The following OPCML variants were observed in gnomAD, a reference collection of about 807,000 sequenced individuals.
OPCML encodes opioid-binding protein/cell adhesion molecule.
Under a neutral mutation model 37.8 loss-of-function variants are expected in OPCML, and 13 were observed. That is an observed-to-expected ratio of 0.34 (90% CI 0.22 to 0.55). The LOEUF (loss-of-function observed/expected upper bound fraction) is 0.55, where lower values mean the gene tolerates loss of function less well. Among genes scored for constraint, OPCML ranks in the 20% least tolerant of loss-of-function variants. OPCML has a pLI of 0.91. For synonymous variants in OPCML, 176 were observed against 168.8 expected, an observed-to-expected ratio of 1.04 and a Z score of -0.33; for missense variants, 341 against 435.6, an observed-to-expected ratio of 0.78 and a Z score of 1.93.
intron 1 of OPCML, chr11:133,421,435 G>A: frequency 1.0e-6 from 1 of 985,402 alleles, no homozygotes; most frequent in Non-Finnish European, 1.2e-6. Context: ...CTCACTAGTT[G>A]CTCTTGTTAG....
intron 1 of OPCML, among the ~76,000 whole-genome samples, chr11:133,259,712 T>C (rs1291265184): frequency 6.6e-6 from 1 of 152,208 alleles, no homozygotes; most frequent in Non-Finnish European, 1.5e-5. Context: ...AAATAGAATG[T>C]TAATTATGAA....
At chr11:133,102,926 G>T (rs1949107396) in intron 1 of OPCML, among the ~76,000 whole-genome samples, 1 of 152,168 alleles carries the variant, frequency 6.6e-6, no homozygotes, top group Admixed American at 6.5e-5. Context: ...CCTAGGAACT[G>T]TATCAGGTTC....
chr11:133,025,325 T>A, intron 1 of OPCML: 25 of 985,368 alleles, frequency 2.5e-5, no homozygotes, highest in Non-Finnish European at 2.7e-5. Flanking sequence ...TTTCTGTGGA[T>A]GATTATGGCT....
intron 2 of OPCML, among the ~76,000 whole-genome samples, chr11:132,769,309 C>T (rs1946563181): frequency 1.3e-5 from 2 of 149,010 alleles, no homozygotes; most frequent in Admixed American, 6.8e-5. Flanking sequence ...GCGATCTTGG[C>T]TCACTCCAAG....
chr11:132,696,350 A>G (rs2135906737), intron 2 of OPCML, among the ~76,000 whole-genome samples: 1 of 152,316 alleles, frequency 6.6e-6, no homozygotes, highest in East Asian at 1.9e-4. Flanking sequence ...AGTGCCTCAC[A>G]AATATATATG....
chr11:133,024,462 C>T (rs1334206959), intron 1 of OPCML: 2 of 983,906 alleles, frequency 2.0e-6, no homozygotes, highest in Non-Finnish European at 1.2e-6. Context: ...AGCAGCTGCT[C>T]ACACAGCAGA....
At chr11:132,734,425 T>C (rs189233800) in intron 2 of OPCML, among the ~76,000 whole-genome samples, 1 of 152,236 alleles carries the variant, frequency 6.6e-6, no homozygotes, top group Admixed American at 6.5e-5. Context: ...CTTTATGAAA[T>C]CATTCAAGCA....
intron 1 of OPCML, among the ~76,000 whole-genome samples, chr11:133,376,491 A>G (rs760738480): frequency 3.3e-5 from 5 of 152,346 alleles, no homozygotes; most frequent in African/African-American, 9.6e-5. Context: ...TTACAAAAAT[A>G]TAATAAAGTT....
At chr11:132,814,995 T>C (rs950949303) in intron 2 of OPCML, among the ~76,000 whole-genome samples, 4 of 152,186 alleles carry the variant, frequency 2.6e-5, no homozygotes, top group African/African-American at 9.7e-5. Context: ...CCGTGAGGTC[T>C]TTATTGTGAA....
chr11:133,287,935 C>T (rs962230357), intron 1 of OPCML, among the ~76,000 whole-genome samples: 2 of 152,170 alleles, frequency 1.3e-5, no homozygotes, highest in African/African-American at 2.4e-5. Flanking sequence ...TCCCGCACCA[C>T]GGCAGTCTTC....
intron 2 of OPCML, among the ~76,000 whole-genome samples, chr11:132,889,393 CT>C (rs1565939877): frequency 6.6e-6 from 1 of 152,190 alleles, no homozygotes; most frequent in African/African-American, 2.4e-5. Flanking sequence ...AGTGGAGAAC[CT>C]TTGCCTAGAA....
chr11:132,841,868 A>T (rs1941305517), intron 2 of OPCML, among the ~76,000 whole-genome samples: 1 of 147,434 alleles, frequency 6.8e-6, no homozygotes, highest in Non-Finnish European at 1.5e-5. Flanking sequence ...CTCAAAAAAA[A>T]AAAAAAAAAA....
intron 3 of OPCML, among the ~76,000 whole-genome samples, chr11:132,557,209 T>C (rs2137471748): frequency 6.6e-6 from 1 of 152,298 alleles, no homozygotes; most frequent in Admixed American, 6.5e-5. Flanking sequence ...AGTGCCAGAT[T>C]ATGTCCGTGG....
intron 1 of OPCML, among the ~76,000 whole-genome samples, chr11:133,401,182 C>A (rs762271825): frequency 2.2e-4 from 33 of 152,096 alleles, no homozygotes; most frequent in Non-Finnish European, 4.6e-4. Context: ...GTAGGTAAGA[C>A]AGACGTAGTG....
chr11:133,011,916 C>T (rs1020701567), intron 1 of OPCML, among the ~76,000 whole-genome samples: 36 of 152,224 alleles, frequency 2.4e-4, no homozygotes, highest in African/African-American at 8.7e-4. Flanking sequence ...GCTAGTGCTG[C>T]CATTGTAGGT....
At chr11:133,352,370 C>T (rs371583794) in intron 1 of OPCML, among the ~76,000 whole-genome samples, 15 of 152,272 alleles carry the variant, frequency 9.9e-5, no homozygotes, top group East Asian at 7.7e-4. Context: ...TCTTCTTGGC[C>T]GGGAATGCTC....
intron 2 of OPCML, among the ~76,000 whole-genome samples, chr11:132,696,164 G>A (rs1943591515): frequency 1.3e-5 from 2 of 152,156 alleles, no homozygotes; most frequent in African/African-American, 2.4e-5. Context: ...GAGAATGCCC[G>A]ACCCTAAAGT....
intron 1 of OPCML, among the ~76,000 whole-genome samples, chr11:133,254,612 G>C (rs1394311091): frequency 2.6e-5 from 4 of 152,204 alleles, no homozygotes; most frequent in African/African-American, 7.2e-5. Flanking sequence ...ACAAGACTGG[G>C]AGGAGGAGAT....
intron 1 of OPCML, chr11:133,007,317 C>T: frequency 1.0e-6 from 1 of 985,406 alleles, no homozygotes; most frequent in Non-Finnish European, 1.2e-6. Flanking sequence ...TATAAATGAC[C>T]TCAGCAGAAC....
Sources: gnomAD v4.1 joint callset for allele counts (sites outside exome capture counted in the v4.1 genomes callset) on GRCh38, gnomAD v4.1.1 for gene constraint, MANE v1.5 for transcripts, NCBI Gene and HGNC (gene_info 2026-07-23, HGNC 2026-07-21) for gene names.